Variants in TNRC6A observed in about 807,000 individuals in gnomAD.
TNRC6A encodes trinucleotide repeat-containing gene 6A protein.
Under a neutral mutation model 221.2 loss-of-function variants are expected in TNRC6A, and 44 were observed. The ratio of observed to expected loss-of-function variants is 0.20; its 90% CI spans 0.16 to 0.26. The LOEUF (loss-of-function observed/expected upper bound fraction) is 0.26. Ranked by LOEUF, TNRC6A falls within the 10% of genes least tolerant of loss-of-function variation. TNRC6A has a pLI of 1.00. For missense variants in TNRC6A, 2,199 were observed against 2,404.4 expected (o/e 0.91, Z 1.79); for synonymous variants, 847 against 838.5 (o/e 1.01, Z -0.18).
rs66531211 is a variant in TNRC6A, at chr16:24,702,107, C to T, written n.403-48619C>T. Among the ~76,000 whole-genome samples, 168 of 50,124 alleles carry T rather than the reference C, an allele frequency of 3.4e-3. 1 individual carries two copies. Among genetic ancestry groups the T allele is most frequent in the Middle Eastern group, 0.019 (2 of 106 alleles). 32.9% of individuals were successfully genotyped at this position (50,124 alleles called of 152,430 possible). A position where few individuals can be genotyped will look rare whatever the true frequency, so the allele number is the denominator to read the frequency against. On this transcript the variant is annotated intron_variant and non_coding_transcript_variant, in intron 2 of 2. Coordinates refer to the TNRC6A transcript ENST00000566108. Reference sequence around the variant, plus strand: ...TCTATTTTCTTTTCTTTTCTTTTTTCTTTTTTTTTTTTTTTTTTGAGGCAG... The same window carrying T: ...TCTATTTTCTTTTCTTTTCTTTTTTTTTTTTTTTTTTTTTTTTTGAGGCAG...
chr16:24,810,891 A>T (rs186097868), intron 18 of TNRC6A, among the ~76,000 whole-genome samples: 2 of 152,324 alleles, frequency 1.3e-5, no homozygotes, highest in Admixed American at 1.3e-4. Context: ...TAAAAGCAGA[A>T]AAGCTTGGTA....
At chr16:24,766,308 CAA>C (rs2057470165) in intron 4 of TNRC6A, among the ~76,000 whole-genome samples, 1 of 152,138 alleles carries the variant, frequency 6.6e-6, no homozygotes, top group Admixed American at 6.5e-5. Flanking sequence ...TATGGACTCA[CAA>C]AGAGAATAAA....
intron 11 of TNRC6A, among the ~76,000 whole-genome samples, chr16:24,799,359 TC>T (rs1289545140): frequency 6.6e-6 from 1 of 152,190 alleles, no homozygotes; most frequent in African/African-American, 2.4e-5. Flanking sequence ...TATGTACTCT[TC>T]TGCACGCATT....
intron 6 of TNRC6A, among the ~76,000 whole-genome samples, 166 bp downstream of exon 6, chr16:24,791,983 C>G (rs1166937030): frequency 6.6e-6 from 1 of 151,932 alleles, no homozygotes; most frequent in Non-Finnish European, 1.5e-5. Flanking sequence ...AACAGAACTC[C>G]ACTTTTGGCA....
chr16:24,747,907 C>T (rs577187467), intron 2 of TNRC6A, among the ~76,000 whole-genome samples: 52 of 152,190 alleles, frequency 3.4e-4, no homozygotes, highest in Non-Finnish European at 5.4e-4. Flanking sequence ...AGATAGAGAC[C>T]ATTACATGGA....
intron 2 of TNRC6A, among the ~76,000 whole-genome samples, chr16:24,643,057 T>C (rs1902037153): frequency 7.2e-6 from 1 of 139,026 alleles, no homozygotes; most frequent in South Asian, 2.2e-4. Flanking sequence ...AATATATATA[T>C]AACATATATA....
At chr16:24,673,553 A>T (rs1420901049) in intron 2 of TNRC6A, among the ~76,000 whole-genome samples, 1 of 152,068 alleles carries the variant, frequency 6.6e-6, no homozygotes, top group African/African-American at 2.4e-5. Context: ...TCATTCAGGA[A>T]ATTTATTTTA....
intron 7 of TNRC6A, 69 bp from the exon 8 acceptor site, chr16:24,794,475 A>G: frequency 6.6e-7 from 1 of 1,517,526 alleles, no homozygotes; most frequent in Non-Finnish European, 8.9e-7. Flanking sequence ...TTTTTAATAT[A>G]TACTTATTCT....
At chr16:24,737,007 G>A (rs1596575821) in intron 2 of TNRC6A, among the ~76,000 whole-genome samples, 2 of 152,254 alleles carry the variant, frequency 1.3e-5, no homozygotes, top group Admixed American at 1.3e-4. Context: ...ATTGGGGCTG[G>A]GCTTGTAATA....
At chr16:24,648,099 A>C (rs890053341) in intron 2 of TNRC6A, among the ~76,000 whole-genome samples, 1 of 152,022 alleles carries the variant, frequency 6.6e-6, no homozygotes, top group Non-Finnish European at 1.5e-5. Context: ...GTTGATGACC[A>C]TTGGGGTAAT....
intron 5 of TNRC6A, among the ~76,000 whole-genome samples, chr16:24,782,287 C>T (rs72768701): frequency 0.05 from 7,620 of 152,228 alleles, 294 homozygotes; most frequent in Middle Eastern, 0.075. Flanking sequence ...TCTCTCAAAC[C>T]GGAAGCCAGT....
chr16:24,622,710 C>T (rs577363772), intron 1 of TNRC6A, among the ~76,000 whole-genome samples: 1 of 152,132 alleles, frequency 6.6e-6, no homozygotes, highest in African/African-American at 2.4e-5. Context: ...ACAAACAGAA[C>T]GCTAGGAGAG....
Position 24,821,914 on chromosome 16 carries a change from G to A in TNRC6A, c.5303-163G>A, listed in dbSNP as rs946026833. On this transcript the variant is annotated intron_variant, in intron 22 of 24. Transcript: ENST00000395799. ...CCCCTGCCATAGGAGTTAATGCCTG[G>A]CCATGGCTAGGGCGAGCTGAAATTC... is the stretch of plus-strand genomic sequence containing the variant. 11 of 651,478 alleles carry A rather than the reference G, an allele frequency of 1.7e-5. No individual in the cohort carries two copies. The East Asian group carries it at 2.9e-4, about 17-fold the overall frequency. 40.4% of individuals were successfully genotyped at this position (651,478 alleles called of 1,614,324 possible).
intron 11 of TNRC6A, among the ~76,000 whole-genome samples, chr16:24,800,401 A>G (rs577440011): frequency 1.3e-5 from 2 of 152,330 alleles, no homozygotes; most frequent in South Asian, 2.1e-4. Flanking sequence ...AGGCAATGGC[A>G]TATATGGTAA....
chr16:24,694,282 A>G (rs899573937), intron 2 of TNRC6A, among the ~76,000 whole-genome samples: 3 of 152,138 alleles, frequency 2.0e-5, no homozygotes, highest in African/African-American at 7.2e-5. Context: ...CGACCTCAGC[A>G]CAATAGCAGC....
chr16:24,806,439 T>G, intron 16 of TNRC6A, 135 bp from the exon 17 acceptor site: 1 of 1,352,850 alleles, frequency 7.4e-7, no homozygotes. Flanking sequence ...TGCCCATGAG[T>G]TATGTGAACA....
At chr16:24,816,550 C>T (rs142913172) in intron 19 of TNRC6A, 7 of 353,216 alleles carry the variant, frequency 2.0e-5, no homozygotes, top group East Asian at 5.5e-5. Flanking sequence ...CACACAAGTA[C>T]GTATGTGTAT....
chr16:24,644,541 G>T (rs558871669), intron 2 of TNRC6A, among the ~76,000 whole-genome samples: 5 of 151,972 alleles, frequency 3.3e-5, no homozygotes, highest in Non-Finnish European at 5.9e-5. Context: ...CGATCCTCCC[G>T]CATCAGCCTC....
intron 22 of TNRC6A, chr16:24,821,780 G>A (rs191814941): frequency 2.3e-6 from 1 of 430,772 alleles, no homozygotes; most frequent in Non-Finnish European, 4.2e-6. Context: ...GATTATTTTA[G>A]CTCCTATCAA....
Sources: allele counts gnomAD v4.1 joint callset (sites outside exome capture counted in the v4.1 genomes callset), GRCh38; gene constraint gnomAD v4.1.1; transcripts MANE v1.5; gene names NCBI Gene and HGNC (gene_info 2026-07-23, HGNC 2026-07-21).